CDKN2B-AS1: variants seen among roughly 807,000 people sequenced by gnomAD.
The protein encoded by CDKN2B-AS1 is CDKN2B antisense RNA 1 (non-protein coding).
At position 22,099,823 on chromosome 9, in the gene CDKN2B-AS1, T is replaced by A. The variant is rs200267344; in HGVS notation, n.439-27280T>A. ...AAAGGTGTGCATGGATAGATGCACA[T>A]GTATGTATTCATAAAGTTAATGTGG... On this transcript the variant is annotated intron_variant and non_coding_transcript_variant, in intron 4 of 4. Coordinates refer to ENST00000650946, the Ensembl canonical transcript of CDKN2B-AS1. Among the ~76,000 whole-genome samples the A allele has an allele frequency of 2.0e-5, 3 of 152,270 alleles. No individual in the cohort carries two copies. The East Asian group carries it at 5.8e-4, about 29-fold the overall frequency.
At chr9:22,064,191 T>A (rs1449146224) in intron 4 of CDKN2B-AS1, among the ~76,000 whole-genome samples, 1 of 152,160 alleles carries the variant, frequency 6.6e-6, no homozygotes, top group Non-Finnish European at 1.5e-5. Context: ...AAGAGTTCTA[T>A]TGTGTCTTGA....
intron 4 of CDKN2B-AS1, among the ~76,000 whole-genome samples, chr9:22,079,927 G>A (rs903107303): frequency 3.9e-5 from 6 of 152,188 alleles, no homozygotes; most frequent in Non-Finnish European, 8.8e-5. Flanking sequence ...CATGCCTTTG[G>A]TGTGGTTTCG....
rs1820874232 is a variant in CDKN2B-AS1 at position 22,000,605 on chromosome 9, T to C, written n.29+5444T>C. On this transcript the variant is annotated intron_variant and non_coding_transcript_variant, in intron 1 of 4. Coordinates refer to ENST00000650946, the Ensembl canonical transcript of CDKN2B-AS1. This position sits in a 1 kb window ranked among gnomAD's most constrained non-coding sequence, Gnocchi z 4.1. ...AGAACTCAGATGGAATGAGGAGCCA[T>C]GCCATATACATCTTTACAACAGTCA... Among the ~76,000 whole-genome samples the C allele has an allele frequency of 6.6e-6, 1 of 152,184 alleles. No individual in the cohort carries two copies. The highest frequency in any genetic ancestry group is 2.4e-5 in the African/African-American group (1 of 41,456).
chr9:22,009,172 G>A lies in CDKN2B-AS1; in HGVS notation n.29+14011G>A, dbSNP rs1055565849. 7.6e-6 allele frequency: 5 copies of A among 658,542 alleles called. No homozygotes were observed. In the African/African-American group the frequency reaches 9.2e-5, roughly 12 times the overall value. The allele number at this position is 658,542 out of a possible 1,614,324, so 40.8% of individuals were successfully genotyped here. A position where few individuals can be genotyped will look rare whatever the true frequency, so the allele number is the denominator to read the frequency against. ...GCTCCGGGCTTTTCCTGGCGCTCAA[G>A]AACCAGCGGGCGCGCCTGGATTGCT... On this transcript the variant is annotated intron_variant and non_coding_transcript_variant, in intron 1 of 4. Transcript: ENST00000650946.
chr9:22,000,960 C>G lies in CDKN2B-AS1; in HGVS notation n.29+5799C>G, dbSNP rs3218001. On this transcript the variant is annotated intron_variant and non_coding_transcript_variant, in intron 1 of 4. Coordinates refer to ENST00000650946, the Ensembl canonical transcript of CDKN2B-AS1. The surrounding 1 kb of genome is among the most constrained non-coding windows in gnomAD (Gnocchi z 4.1). ...TTATCCATAGCTCAGTACCTAGTATCTGGCGCAGAAAGAAGTGGAATGGAA... is the reference window on the plus strand; with the variant it reads ...TTATCCATAGCTCAGTACCTAGTATGTGGCGCAGAAAGAAGTGGAATGGAA... 9.4e-3 allele frequency among the ~76,000 whole-genome samples: 1,433 copies of G among 152,148 alleles called. 21 individuals are homozygous for G. Among genetic ancestry groups the G allele is most frequent in the African/African-American group, 0.033 (1,356 of 41,522 alleles).
At chr9:22,124,688 A>AG (rs1414858934) in intron 4 of CDKN2B-AS1, among the ~76,000 whole-genome samples, 5 of 152,170 alleles carry the variant, frequency 3.3e-5, no homozygotes, top group Admixed American at 3.3e-4. Context: ...GTGGAACTAG[A>AG]GGTAGTCCTG....
At chr9:22,037,466 G>A (rs1217781212) in intron 1 of CDKN2B-AS1, among the ~76,000 whole-genome samples, 2 of 151,524 alleles carry the variant, frequency 1.3e-5, no homozygotes, top group Non-Finnish European at 2.9e-5. Context: ...CACAAGAATT[G>A]TTTATATGCA....
chr9:22,097,857 C>G (rs920372715), intron 4 of CDKN2B-AS1, among the ~76,000 whole-genome samples: 1 of 152,092 alleles, frequency 6.6e-6, no homozygotes. Context: ...TTTCTTTGAC[C>G]CTGGCCTGAT....
exon 2 of CDKN2B-AS1, chr9:22,046,820 T>C (rs1024040185): frequency 2.6e-5 from 4 of 152,174 alleles, no homozygotes; most frequent in Non-Finnish European, 5.9e-5. Context: ...AGACTTCTGT[T>C]TTCTGGCCAC....
intron 1 of CDKN2B-AS1, among the ~76,000 whole-genome samples, chr9:22,031,898 G>T (rs1040128177): frequency 6.6e-6 from 1 of 152,202 alleles, no homozygotes; most frequent in Non-Finnish European, 1.5e-5. Flanking sequence ...CAGAAGAGAG[G>T]CTCACATGGC....
At chr9:22,048,719 G>A (rs73652849) in intron 2 of CDKN2B-AS1, among the ~76,000 whole-genome samples, 5,891 of 152,202 alleles carry the variant, frequency 0.039, 299 homozygotes, top group African/African-American at 0.12. Context: ...GATGGAATAA[G>A]ACATTTGGGA....
At chr9:22,099,282 C>G (rs1465701805) in intron 4 of CDKN2B-AS1, among the ~76,000 whole-genome samples, 1 of 152,130 alleles carries the variant, frequency 6.6e-6, no homozygotes, top group Non-Finnish European at 1.5e-5. Flanking sequence ...TGGGAAGAGA[C>G]TTGAATGCCA....
intron 4 of CDKN2B-AS1, among the ~76,000 whole-genome samples, chr9:22,077,517 T>C (rs1486044877): frequency 6.6e-6 from 1 of 152,188 alleles, no homozygotes; most frequent in African/African-American, 2.4e-5. Flanking sequence ...ATATAAACAA[T>C]TAGGGTAAAT....
At chr9:22,074,893 G>A (rs1824436309) in intron 4 of CDKN2B-AS1, among the ~76,000 whole-genome samples, 1 of 152,190 alleles carries the variant, frequency 6.6e-6, no homozygotes, top group African/African-American at 2.4e-5. Flanking sequence ...CAACTGGTCT[G>A]CTACTGACAT....
At chr9:22,062,727 C>T (rs1823871625) in intron 4 of CDKN2B-AS1, among the ~76,000 whole-genome samples, 1 of 151,968 alleles carries the variant, frequency 6.6e-6, no homozygotes, top group Admixed American at 6.6e-5. Context: ...GGCTCCACCA[C>T]CTACCAGTTG....
intron 1 of CDKN2B-AS1, among the ~76,000 whole-genome samples, chr9:22,019,169 G>A (rs1821915608): frequency 6.6e-6 from 1 of 152,226 alleles, no homozygotes; most frequent in Non-Finnish European, 1.5e-5. Flanking sequence ...GAAAAATGTT[G>A]TAGAGCTGTA....
At chr9:22,052,815 G>A (rs1823408450) in intron 3 of CDKN2B-AS1, among the ~76,000 whole-genome samples, 1 of 152,226 alleles carries the variant, frequency 6.6e-6, no homozygotes, top group South Asian at 2.1e-4. Context: ...TCTTTTGGGG[G>A]GTTCCCCCTC....
In CDKN2B-AS1 at chr9:22,095,255, G is replaced by A. The variant is rs1010437905; in HGVS notation, n.439-31848G>A. Reference sequence around the variant, plus strand: ...GTGCCTCACAGTTAGGCTACTCGGGGGTCAGGGACCCACCTGAGGAGGCAG... The same window carrying A: ...GTGCCTCACAGTTAGGCTACTCGGGAGTCAGGGACCCACCTGAGGAGGCAG... On this transcript the variant is annotated intron_variant and non_coding_transcript_variant, in intron 4 of 4. Transcript: ENST00000650946. Among the ~76,000 whole-genome samples the A allele has an allele frequency of 4.1e-5, 6 of 144,786 alleles. 1 individual carries two copies. The highest frequency in any genetic ancestry group is 3.9e-4 in the East Asian group (2 of 5,074). 95.0% of individuals were successfully genotyped at this position (144,786 alleles called of 152,430 possible). A position where few individuals can be genotyped will look rare whatever the true frequency, so the allele number is the denominator to read the frequency against.
chr9:22,060,314 T>C (rs1352894736), intron 4 of CDKN2B-AS1, among the ~76,000 whole-genome samples: 1 of 152,142 alleles, frequency 6.6e-6, no homozygotes, highest in Non-Finnish European at 1.5e-5. Flanking sequence ...CTAAATCATC[T>C]CTCTCAAGTT....
Sources: gnomAD v4.1 joint callset for allele counts (sites outside exome capture counted in the v4.1 genomes callset) on GRCh38, gnomAD v4.1.1 for gene constraint, Gnocchi (gnomAD v3.1) non-coding constraint, MANE v1.5 for transcripts, NCBI Gene and HGNC (gene_info 2026-07-23, HGNC 2026-07-21) for gene names.